The following DLG2 variants were observed in gnomAD, a reference collection of about 807,000 sequenced individuals.
The protein encoded by DLG2 is disks large homolog 2.
A neutral mutation model predicts 132.5 loss-of-function variants in DLG2; 45 were observed. The observed-to-expected ratio is 0.34, with a 90% CI of 0.27 to 0.44. DLG2 has a LOEUF of 0.44. Ranked by LOEUF, DLG2 falls within the 20% of genes least tolerant of loss-of-function variation. The pLI is 1.00. For synonymous variants in DLG2, 424 were observed against 419.6 expected, an observed-to-expected ratio of 1.01 and a Z score of -0.13; for missense variants, 1,045 against 1,196.9, an observed-to-expected ratio of 0.87 and a Z score of 1.87.
intron 3 of DLG2, among the ~76,000 whole-genome samples, chr11:85,491,816 T>C (rs546277550): frequency 6.6e-6 from 1 of 152,050 alleles, no homozygotes; most frequent in Non-Finnish European, 1.5e-5. Context: ...AAAATATCCA[T>C]ACAACACAAA....
chr11:83,611,419 C>T (rs2060096706), intron 19 of DLG2, among the ~76,000 whole-genome samples: 1 of 152,038 alleles, frequency 6.6e-6, no homozygotes, highest in South Asian at 2.1e-4. Context: ...TCTTGGTAAC[C>T]AAATCCATTA....
intron 3 of DLG2, among the ~76,000 whole-genome samples, chr11:85,292,292 T>G (rs2078943420): frequency 6.6e-6 from 1 of 152,060 alleles, no homozygotes; most frequent in Admixed American, 6.6e-5. Context: ...ATCTTAGGCT[T>G]TGTACCAAGA....
chr11:84,144,222 A>G (rs1412407504), intron 9 of DLG2, among the ~76,000 whole-genome samples: 2 of 152,270 alleles, frequency 1.3e-5, no homozygotes, highest in African/African-American at 4.8e-5. Flanking sequence ...TCAGAAGGAA[A>G]GTTTCAAAGA....
chr11:84,661,936 G>A (rs556301879), intron 6 of DLG2, among the ~76,000 whole-genome samples: 2 of 152,112 alleles, frequency 1.3e-5, no homozygotes, highest in Non-Finnish European at 1.5e-5. Flanking sequence ...TAACAAGACA[G>A]GGAGTAAAAT....
At chr11:83,804,140 A>G (rs1202754174) in intron 17 of DLG2, among the ~76,000 whole-genome samples, 1 of 152,140 alleles carries the variant, frequency 6.6e-6, no homozygotes, top group Non-Finnish European at 1.5e-5. Flanking sequence ...AGAACTCTTA[A>G]GTCCCCTCTT....
intron 15 of DLG2, among the ~76,000 whole-genome samples, chr11:83,926,881 G>A (rs1376871847): frequency 6.6e-6 from 1 of 152,112 alleles, no homozygotes; most frequent in African/African-American, 2.4e-5. Flanking sequence ...GTGGCTTGGA[G>A]AGGTATTTCC....
chr11:83,499,183 G>A (rs2094314592), intron 21 of DLG2, among the ~76,000 whole-genome samples: 1 of 152,082 alleles, frequency 6.6e-6, no homozygotes, highest in African/African-American at 2.4e-5. Context: ...TAGAAGAGGA[G>A]ACATTTCCCA....
At chr11:85,490,501 G>A (rs1215654021) in intron 3 of DLG2, among the ~76,000 whole-genome samples, 1 of 151,636 alleles carries the variant, frequency 6.6e-6, no homozygotes, top group African/African-American at 2.4e-5. Context: ...TCAATGAAAT[G>A]AAAAATTTGT....
At chr11:84,082,373 G>GA (rs2154156966) in intron 10 of DLG2, among the ~76,000 whole-genome samples, 1 of 152,230 alleles carries the variant, frequency 6.6e-6, no homozygotes, top group South Asian at 2.1e-4. Context: ...AATTTACTTT[G>GA]AAATGTCCGT....
intron 7 of DLG2, among the ~76,000 whole-genome samples, chr11:84,276,937 A>C (rs1293264936): frequency 6.6e-6 from 1 of 152,208 alleles, no homozygotes; most frequent in African/African-American, 2.4e-5. Flanking sequence ...TGAGACAAAA[A>C]ACAATGAACA....
chr11:84,776,542 T>C (rs980416221), intron 6 of DLG2, among the ~76,000 whole-genome samples: 3 of 152,212 alleles, frequency 2.0e-5, no homozygotes, highest in Non-Finnish European at 2.9e-5. Context: ...AAAGTTCTTT[T>C]ATGTATGTTT....
intron 4 of DLG2, among the ~76,000 whole-genome samples, chr11:85,279,487 G>A (rs1317818006): frequency 6.6e-6 from 1 of 151,998 alleles, no homozygotes; most frequent in Admixed American, 6.6e-5. Flanking sequence ...AAAGTTAACT[G>A]GTAGCTAAAG....
chr11:85,625,480 A>T (rs2081982964), intron 2 of DLG2, among the ~76,000 whole-genome samples: 1 of 152,210 alleles, frequency 6.6e-6, no homozygotes, highest in Non-Finnish European at 1.5e-5. Context: ...GTGTGCAAAT[A>T]TCACAGTTCT....
chr11:84,711,013 TATATATATATATATATATAG>T (rs2060335120), intron 6 of DLG2, among the ~76,000 whole-genome samples: 2 of 85,842 alleles, frequency 2.3e-5, no homozygotes, highest in African/African-American at 9.3e-5. Context: ...TATATAGATA[TATATATATATATATATATAG>T]AGCTGAAAAA....
At chr11:84,531,152 G>T (rs989445264) in intron 7 of DLG2, among the ~76,000 whole-genome samples, 13 of 152,116 alleles carry the variant, frequency 8.5e-5, no homozygotes, top group Non-Finnish European at 1.8e-4. Flanking sequence ...AAAGGATAAA[G>T]AATGAGATCA....
At chr11:85,555,238 T>C (rs1439891673) in intron 3 of DLG2, among the ~76,000 whole-genome samples, 1 of 151,918 alleles carries the variant, frequency 6.6e-6, no homozygotes, top group Admixed American at 6.6e-5. Flanking sequence ...ATTTAAGATA[T>C]TGAATCAGAA....
intron 7 of DLG2, among the ~76,000 whole-genome samples, chr11:84,487,002 C>T (rs993494359): frequency 1.5e-4 from 23 of 151,982 alleles, no homozygotes; most frequent in African/African-American, 5.3e-4. Flanking sequence ...CATCTACTAC[C>T]CAAAATTGGA....
chr11:85,087,325 G>A (rs944485143), intron 6 of DLG2, among the ~76,000 whole-genome samples: 1 of 152,184 alleles, frequency 6.6e-6, no homozygotes, highest in Non-Finnish European at 1.5e-5. Flanking sequence ...GAATCCCATG[G>A]ATAGAGAAGC....
Position 83,458,280 on chromosome 11 carries a change from T to G in DLG2, c.*1538A>C, listed in dbSNP as rs528950873. The G allele has an allele frequency of 6.6e-6, 1 of 152,592 alleles. No homozygotes were observed. The highest frequency in any genetic ancestry group is 1.5e-5 in the Non-Finnish European group (1 of 68,030). 9.5% of individuals were successfully genotyped at this position (152,592 alleles called of 1,614,324 possible). ...ATCCACTCTAAAGTGGGAAACCAACTCTTCTAGTTCAGTTTATAGGCTTTG... is the reference window on the plus strand; with the variant it reads ...ATCCACTCTAAAGTGGGAAACCAACGCTTCTAGTTCAGTTTATAGGCTTTG... On this transcript the variant is annotated 3_prime_UTR_variant, in exon 28 of 28. Transcript: ENST00000376104.
Sources: allele counts gnomAD v4.1 joint callset (sites outside exome capture counted in the v4.1 genomes callset), GRCh38; gene constraint gnomAD v4.1.1; transcripts MANE v1.5; gene names NCBI Gene and HGNC (gene_info 2026-07-23, HGNC 2026-07-21).